Variants in NEK5 observed in about 807,000 individuals in gnomAD.
NEK5 encodes the protein NIMA related kinase 5, also known as serine/threonine-protein kinase Nek5.
In NEK5, 88 loss-of-function variants were observed where a neutral mutation model predicts 109.2. The observed-to-expected ratio is 0.81, with a 90% CI of 0.68 to 0.96. The LOEUF (loss-of-function observed/expected upper bound fraction) is 0.96. Among genes scored for constraint, NEK5 ranks in the 40% least tolerant of loss-of-function variants. NEK5 has a pLI of 0.00. For synonymous variants in NEK5, 283 were observed against 299.9 expected (o/e 0.94, Z 0.58); for missense variants, 834 against 920.7 (o/e 0.91, Z 1.22).
chr13:52,095,613 C>A (rs1955393643), intron 12 of NEK5, among the ~76,000 whole-genome samples: 1 of 152,200 alleles, frequency 6.6e-6, no homozygotes, highest in Non-Finnish European at 1.5e-5. Flanking sequence ...TTAGGCTGGG[C>A]ACAGTGGCTC....
At chr13:52,114,012 C>G (rs1955804320) in intron 4 of NEK5, among the ~76,000 whole-genome samples, 1 of 152,170 alleles carries the variant, frequency 6.6e-6, no homozygotes, top group African/African-American at 2.4e-5. Flanking sequence ...TATAAGCCAC[C>G]TAGTTTATGG....
intron 23 of NEK5, among the ~76,000 whole-genome samples, chr13:52,048,574 A>T (rs1954477859): frequency 6.6e-6 from 1 of 152,246 alleles, no homozygotes; most frequent in African/African-American, 2.4e-5. Context: ...TAAAATTCAT[A>T]ATCACATCAA....
chr13:52,090,791 C>T (rs1218296653), intron 13 of NEK5, among the ~76,000 whole-genome samples: 1 of 152,044 alleles, frequency 6.6e-6, no homozygotes, highest in Non-Finnish European at 1.5e-5. Context: ...TTTGGGAGGC[C>T]AAGGCGGGTG....
At position 52,080,203 on chromosome 13, in the gene NEK5, C is replaced by T. The variant is rs1420873822; in HGVS notation, c.1572+3057G>A. On this transcript the variant is annotated intron_variant, in intron 17 of 23. Coordinates refer to ENST00000684899, the MANE Select transcript of NEK5 (RefSeq NM_001365552.1). ...CCCCCGCCAGGCCAGCCGCCCCGTC[C>T]GGGAGGGAGGTGGGGGGGGGTCAGC... is the stretch of plus-strand genomic sequence containing the variant. 3.2e-4 allele frequency among the ~76,000 whole-genome samples: 46 copies of T among 142,022 alleles called. 1 individual carries two copies. The highest frequency in any genetic ancestry group is 9.3e-4 in the African/African-American group (37 of 39,766). 93.2% of individuals were successfully genotyped at this position (142,022 alleles called of 152,430 possible).
chr13:52,057,362 C>G (rs1566734896), intron 22 of NEK5, among the ~76,000 whole-genome samples: 1 of 151,130 alleles, frequency 6.6e-6, no homozygotes, highest in African/African-American at 2.4e-5. Context: ...CGAATTCTAC[C>G]AGAGGTACAA....
chr13:52,110,566 C>T lies in NEK5; in HGVS notation c.324G>A (p.Trp108Ter), dbSNP rs1955738342. Residue 108 changes from tryptophan (W) to a stop codon, truncating the protein, a stop_gained, in exon 6 of 24, where the codon TGG becomes TGA. Coordinates refer to ENST00000684899, the MANE Select transcript of NEK5 (RefSeq NM_001365552.1). LOFTEE classifies it high-confidence loss of function. Reference protein sequence around the residue: ...VLFSEDQILGWFVQISLGLKH... With the variant: ...VLFSEDQILG ...TTAGTCCTAGAGAAATCTGTACAAA[C>T]CAACCGAGGATCTATAGAGAGAACA... The T allele has an allele frequency of 1.2e-6, 2 of 1,608,544 alleles. No individual in the cohort carries two copies. Among genetic ancestry groups the T allele is most frequent in the Non-Finnish European group, 8.5e-7 (1 of 1,175,908 alleles).
chr13:52,037,286 G>A (rs1467200984), intron 23 of NEK5, 68 bp from the exon 24 acceptor site: 10 of 785,924 alleles, frequency 1.3e-5, no homozygotes, highest in African/African-American at 1.9e-5. Context: ...GTAAAAACTC[G>A]TTTCCCTTTT....
At chr13:52,115,641 G>C (rs1593998200) in intron 4 of NEK5, among the ~76,000 whole-genome samples, 1 of 136,272 alleles carries the variant, frequency 7.3e-6, no homozygotes, top group Admixed American at 7.4e-5. Flanking sequence ...ACTACTTAAT[G>C]TCAATTAGCA....
At chr13:52,039,785 T>C (rs937908897) in intron 23 of NEK5, among the ~76,000 whole-genome samples, 2 of 152,218 alleles carry the variant, frequency 1.3e-5, no homozygotes, top group African/African-American at 4.8e-5. Context: ...CATAGATTTT[T>C]TTCAACTTCC....
chr13:52,076,131 CT>C lies in NEK5; in HGVS notation c.1584del (p.Asp529ThrfsTer2). Reference protein sequence around the residue: ...EGEAPVQDIEKDLKQMRLQNT... With the variant: ...EGEAPVQDIEXDLKQMRLQNT... ...TTCTGAAGCCTCATTTGTTTCAAGT[CT>C]TTTTCAATGTCCTGAAAATTTAGAG... is the stretch of plus-strand genomic sequence containing the variant. On this transcript the variant is annotated frameshift_variant, in exon 18 of 24. Transcript: ENST00000684899. LOFTEE classifies it high-confidence loss of function. The C allele has an allele frequency of 1.3e-6, 2 of 1,587,696 alleles. No homozygotes were observed. The highest frequency in any genetic ancestry group is 1.7e-5 in the Admixed American group (1 of 57,844).
At position 52,119,742 on chromosome 13, in the gene NEK5, C is replaced by A. The variant is rs753154307; in HGVS notation, c.118-327G>T. ...TCTATCTTTCAGTAGCGAAGGAATT[C>A]TTTATAAAAATGCAACATTCCAGGA... On this transcript the variant is annotated intron_variant, in intron 3 of 23. Coordinates refer to ENST00000684899, the MANE Select transcript of NEK5 (RefSeq NM_001365552.1). 7.2e-5 allele frequency among the ~76,000 whole-genome samples: 11 copies of A among 151,990 alleles called. 1 individual carries two copies. Among genetic ancestry groups the A allele is most frequent in the Non-Finnish European group, 1.5e-4 (10 of 68,010 alleles).
At chr13:52,076,220 G>T in intron 17 of NEK5, 77 bp from the exon 18 acceptor site, 1 of 768,014 alleles carries the variant, frequency 1.3e-6, no homozygotes, top group South Asian at 1.8e-5. Flanking sequence ...TCTGATGATT[G>T]ATTTAATAAC....
chr13:52,128,191 ACTT>A lies in NEK5; in HGVS notation c.-90-532_-90-530del, dbSNP rs751411812. On this transcript the variant is annotated intron_variant, in intron 1 of 23. Coordinates refer to ENST00000684899, the MANE Select transcript of NEK5 (RefSeq NM_001365552.1). ...AAGTATTTTTGCAGTTTTAATGAACACTTCTTTTTTTTTTCGAGGAATGCAACT... is the reference window on the plus strand; with the variant it reads ...AAGTATTTTTGCAGTTTTAATGAACACTTTTTTTTTTCGAGGAATGCAACT... 2.5e-4 allele frequency among the ~76,000 whole-genome samples: 38 copies of A among 151,230 alleles called. No homozygotes were observed. In the South Asian group the frequency reaches 5.2e-3, roughly 21 times the overall value.
intron 20 of NEK5, 128 bp downstream of exon 20, chr13:52,071,816 C>G: frequency 1.3e-6 from 1 of 772,964 alleles, no homozygotes; most frequent in Non-Finnish European, 2.2e-6. Flanking sequence ...TGTGTTTCTG[C>G]CTTGCTTAGA....
chr13:52,101,747 C>T (rs571415808), intron 11 of NEK5, among the ~76,000 whole-genome samples, 186 bp downstream of exon 11: 5 of 152,234 alleles, frequency 3.3e-5, no homozygotes, highest in African/African-American at 1.2e-4. Flanking sequence ...CATGCATGAG[C>T]TAGATATACA....
chr13:52,062,138 GCTTTGTAAA>G (rs1289147357), intron 21 of NEK5, 185 bp from the exon 22 acceptor site: 1 of 152,188 alleles, frequency 6.6e-6, no homozygotes, highest in African/African-American at 2.4e-5. Flanking sequence ...GTCATTCATT[GCTTTGTAAA>G]CTGGCCATTT....
intron 17 of NEK5, among the ~76,000 whole-genome samples, chr13:52,077,892 T>C (rs1343494844): frequency 6.6e-6 from 1 of 151,884 alleles, no homozygotes; most frequent in South Asian, 2.1e-4. Flanking sequence ...CTGACCAACA[T>C]GGTGAAACCC....
intron 11 of NEK5, among the ~76,000 whole-genome samples, chr13:52,101,372 C>A (rs1431614532): frequency 6.6e-6 from 1 of 152,004 alleles, no homozygotes; most frequent in East Asian, 1.9e-4. Flanking sequence ...TGCACTCCAG[C>A]CTGGGCGACA....
chr13:52,067,663 T>A (rs988084003), intron 20 of NEK5, among the ~76,000 whole-genome samples: 13 of 150,578 alleles, frequency 8.6e-5, no homozygotes, highest in African/African-American at 3.2e-4. Context: ...CCAACTGGTC[T>A]TTACACCACG....
Sources: gnomAD v4.1 joint callset for allele counts (sites outside exome capture counted in the v4.1 genomes callset) on GRCh38, gnomAD v4.1.1 for gene constraint, MANE v1.5 for transcripts, NCBI Gene and HGNC (gene_info 2026-07-23, HGNC 2026-07-21) for gene names.